Variants in TBL1X observed in about 807,000 individuals in gnomAD.
TBL1X encodes the protein F-box-like/WD repeat-containing protein TBL1X.
Under a neutral mutation model 50.7 loss-of-function variants are expected in TBL1X, and 10 were observed. The ratio of observed to expected loss-of-function variants is 0.20; its 90% CI spans 0.12 to 0.33. TBL1X has a LOEUF of 0.33. Among genes scored for constraint, TBL1X ranks in the 10% least tolerant of loss-of-function variants. The probability of loss-of-function intolerance (pLI) is 1.00; values close to 1 mark genes in which losing one functional copy is unlikely to be tolerated. For synonymous variants in TBL1X, 190 were observed against 214.7 expected, an observed-to-expected ratio of 0.88 and a Z score of 1.01; for missense variants, 340 against 504.4, an observed-to-expected ratio of 0.67 and a Z score of 3.12.
chrX:9,551,802 G>T (rs924220718), intron 2 of TBL1X, among the ~76,000 whole-genome samples: 1 of 111,839 alleles, frequency 8.9e-6, no homozygotes, highest in Non-Finnish European at 1.9e-5. Flanking sequence ...GCACACGCAC[G>T]CTGGCCACTC....
At chrX:9,529,689 C>T (rs1488003577) in intron 2 of TBL1X, among the ~76,000 whole-genome samples, 4 of 109,049 alleles carry the variant, frequency 3.7e-5, no homozygotes, top group Non-Finnish European at 7.6e-5. Context: ...ATGCCTGTAA[C>T]CCCAGCACTG....
At chrX:9,664,902 ACTCT>A (rs2082918296) in intron 5 of TBL1X, among the ~76,000 whole-genome samples, 1 of 110,558 alleles carries the variant, frequency 9.0e-6, no homozygotes, top group East Asian at 2.9e-4. Context: ...ACATTTGCCC[ACTCT>A]CTATTACAAT....
intron 8 of TBL1X, 126 bp downstream of exon 8, chrX:9,691,837 C>T: frequency 1.0e-6 from 1 of 964,727 alleles, no homozygotes; most frequent in Non-Finnish European, 1.4e-6. Flanking sequence ...TGTGGGCAGA[C>T]CAAGGAATGG....
At chrX:9,707,562 C>T (rs1364515703) in intron 13 of TBL1X, among the ~76,000 whole-genome samples, 2 of 112,169 alleles carry the variant, frequency 1.8e-5, no homozygotes, top group Non-Finnish European at 3.8e-5. Flanking sequence ...GCCCAGGAAC[C>T]GGGGCTTGCA....
chrX:9,709,639 A>G lies in TBL1X; in HGVS notation c.1318A>G (p.Ser440Gly). ...TGTCTGGTGTGTTCTGTAGATCTGG[A>G]GCATGAAACAGGAGGTGTGCATCCA... ...CSDDMTLKIW[S>G]MKQEVCIHDL... The change falls in exon 15 of 18, where the codon AGC (serine) becomes GGC (glycine). Residue 440 changes from serine to glycine, a missense_variant. Ser to Gly is a moderately conservative substitution (Grantham distance 56, BLOSUM62 0). Transcript: ENST00000645353. 4.1e-6 allele frequency: 5 copies of G among 1,210,301 alleles called. No homozygotes were observed. The highest frequency in any genetic ancestry group is 5.6e-6 in the Non-Finnish European group (5 of 894,863).
chrX:9,517,064 G>T (rs2082083974), intron 2 of TBL1X, among the ~76,000 whole-genome samples: 1 of 111,742 alleles, frequency 8.9e-6, no homozygotes, highest in Non-Finnish European at 1.9e-5. Context: ...TGGGAGAGCA[G>T]AAGAAACGTG....
intron 2 of TBL1X, among the ~76,000 whole-genome samples, chrX:9,624,522 C>T (rs1034657612): frequency 2.7e-5 from 3 of 111,512 alleles, no homozygotes; most frequent in African/African-American, 9.8e-5. Flanking sequence ...GATCTTAGGA[C>T]CTGAGATAAA....
chrX:9,633,866 C>T (rs779941211), intron 2 of TBL1X, among the ~76,000 whole-genome samples: 2 of 111,584 alleles, frequency 1.8e-5, no homozygotes, highest in Non-Finnish European at 3.8e-5. Context: ...TTGAGCATGG[C>T]GTATCCTCAT....
chrX:9,536,847 A>T (rs1023987225), intron 2 of TBL1X, among the ~76,000 whole-genome samples: 3 of 111,690 alleles, frequency 2.7e-5, no homozygotes, highest in Non-Finnish European at 5.6e-5. Context: ...GACTTTTATC[A>T]TAGAGACATT....
intron 2 of TBL1X, among the ~76,000 whole-genome samples, chrX:9,625,165 T>C (rs748845469): frequency 1.8e-5 from 2 of 112,526 alleles, no homozygotes; most frequent in Non-Finnish European, 3.7e-5. Context: ...AATTTTTATG[T>C]GTTTAATTGT....
chrX:9,627,632 A>G (rs920900785), intron 2 of TBL1X, among the ~76,000 whole-genome samples: 4 of 112,668 alleles, frequency 3.6e-5, no homozygotes, highest in African/African-American at 1.3e-4. Context: ...AATTGTTTGT[A>G]AGACTTCCCC....
intron 5 of TBL1X, among the ~76,000 whole-genome samples, chrX:9,672,130 A>G (rs1446307493): frequency 8.9e-6 from 1 of 112,562 alleles, no homozygotes; most frequent in East Asian, 2.8e-4. Context: ...ATTGGTATTG[A>G]CACCCACAAA....
chrX:9,606,560 G>A (rs2082584536), intron 2 of TBL1X, among the ~76,000 whole-genome samples: 1 of 111,001 alleles, frequency 9.0e-6, no homozygotes, highest in South Asian at 3.9e-4. Context: ...CATGGCTGTA[G>A]TTGCTGGAAC....
chrX:9,521,415 G>T (rs773265630), intron 2 of TBL1X, among the ~76,000 whole-genome samples: 3 of 111,789 alleles, frequency 2.7e-5, no homozygotes, highest in South Asian at 7.4e-4. Context: ...GTGCTTGGGG[G>T]TGGGGAGGCT....
intron 6 of TBL1X, among the ~76,000 whole-genome samples, chrX:9,686,337 C>T (rs1326376977): frequency 8.9e-6 from 1 of 112,067 alleles, no homozygotes; most frequent in Non-Finnish European, 1.9e-5. Context: ...TCCCTCGGCA[C>T]TCCAGATTCC....
chrX:9,572,363 G>A (rs1028248576), intron 2 of TBL1X, among the ~76,000 whole-genome samples: 1 of 112,823 alleles, frequency 8.9e-6, no homozygotes, highest in Admixed American at 9.3e-5. Context: ...CCCTGTAGCC[G>A]GCCTTCGCCA....
chrX:9,550,475 C>G (rs1292453690), intron 2 of TBL1X, among the ~76,000 whole-genome samples: 1 of 112,034 alleles, frequency 8.9e-6, no homozygotes, highest in East Asian at 2.8e-4. Flanking sequence ...TGATTTCAGG[C>G]TTTTGGTGTA....
chrX:9,567,299 A>G (rs2082356220), intron 2 of TBL1X, among the ~76,000 whole-genome samples: 1 of 111,549 alleles, frequency 9.0e-6, no homozygotes, highest in Admixed American at 9.5e-5. Flanking sequence ...CGTGTCTGAC[A>G]GGGAAGACCC....
rs938482791 is a variant in TBL1X at position 9,546,659 on chromosome X, G to A, written c.-131+44810G>A. 6.3e-5 allele frequency among the ~76,000 whole-genome samples: 7 copies of A among 111,592 alleles called. No homozygotes were observed. The South Asian group carries it at 2.6e-3, about 41-fold the overall frequency. On this transcript the variant is annotated intron_variant, in intron 2 of 17. Transcript: ENST00000645353. ...GATAGCCAAAAATATTTTCTATTTAGCTGAATCTTGATCTAGTACATTTTT... is the reference window on the plus strand; with the variant it reads ...GATAGCCAAAAATATTTTCTATTTAACTGAATCTTGATCTAGTACATTTTT...
Sources: allele counts gnomAD v4.1 joint callset (sites outside exome capture counted in the v4.1 genomes callset), GRCh38; gene constraint gnomAD v4.1.1; transcripts MANE v1.5; gene names NCBI Gene and HGNC (gene_info 2026-07-23, HGNC 2026-07-21).